Variants in FRS3 observed in about 807,000 individuals in gnomAD.
The protein encoded by FRS3 is fibroblast growth factor receptor substrate 3.
In FRS3, 17 loss-of-function variants were observed where a neutral mutation model predicts 41.9. That is an observed-to-expected ratio of 0.41 (90% CI 0.28 to 0.61). FRS3 has a LOEUF of 0.61. Ranked by LOEUF, FRS3 falls within the 20% of genes least tolerant of loss-of-function variation. The pLI is 0.36. For synonymous variants in FRS3, 287 were observed against 274.5 expected (o/e 1.05, Z -0.45); for missense variants, 619 against 672.1 (o/e 0.92, Z 0.87).
Position 41,770,423 on chromosome 6 carries a change from C to A in FRS3, c.*196G>T, listed in dbSNP as rs534398478. The A allele has an allele frequency of 5.1e-5, 31 of 610,770 alleles. No homozygotes were observed. In the South Asian group the frequency reaches 6.0e-4, roughly 12 times the overall value. 37.8% of individuals were successfully genotyped at this position (610,770 alleles called of 1,614,324 possible). A position where few individuals can be genotyped will look rare whatever the true frequency, so the allele number is the denominator to read the frequency against. On this transcript the variant is annotated 3_prime_UTR_variant, in exon 7 of 7. Transcript: ENST00000373018. ...CCTCGCCTGGTCACCCTTCTCTCCC[C>A]AGCCTGGAGACAGACCAGGAGACTC...
chr6:41,773,567 AG>A (rs1286628041), intron 4 of FRS3, among the ~76,000 whole-genome samples: 1 of 151,888 alleles, frequency 6.6e-6, no homozygotes, highest in Non-Finnish European at 1.5e-5. Flanking sequence ...GGTCACAAGA[AG>A]AGAATCAAAA....
At chr6:41,775,343 G>T in intron 4 of FRS3, 76 bp downstream of exon 4, 1 of 1,200,974 alleles carries the variant, frequency 8.3e-7, no homozygotes, top group Non-Finnish European at 1.1e-6. Flanking sequence ...ACCTCTTGAG[G>T]GCTAACCTAT....
At chr6:41,779,483 C>A (rs1772483271) in intron 1 of FRS3, among the ~76,000 whole-genome samples, 1 of 151,804 alleles carries the variant, frequency 6.6e-6, no homozygotes, top group African/African-American at 2.4e-5. Context: ...GTGGGCATAG[C>A]AGGAGATTTG....
At chr6:41,775,385 C>T in intron 4 of FRS3, 34 bp downstream of exon 4, 2 of 1,562,994 alleles carry the variant, frequency 1.3e-6, no homozygotes, top group Non-Finnish European at 1.7e-6. Context: ...TGCATAAGCC[C>T]CTATCCCAGG....
chr6:41,772,766 G>GTGTGTGTGTGTGTA (rs1554140781), intron 5 of FRS3, 32 bp downstream of exon 5: 1 of 1,564,276 alleles, frequency 6.4e-7, no homozygotes, highest in Non-Finnish European at 8.7e-7. Context: ...GTGTGTGTGT[G>GTGTGTGTGTGTGTA]TGTGTGTGTG....
Position 41,771,525 on chromosome 6 carries a change from G to C in FRS3, c.573C>G (p.Thr191=), listed in dbSNP as rs772401685. The change falls in exon 7 of 7, where the codon ACC becomes ACG. Residue 191 remains threonine, a synonymous_variant. Transcript: ENST00000373018. ...ALIAPDEQSH[T]YVNTPASEDD... is the part of the protein sequence containing the mutation. ...CTTCACTGGCCGGTGTGTTGACATA[G>C]GTGTGGGACTGGGGAAAGAGTCCAA... 3.3e-6 allele frequency: 5 copies of C among 1,532,010 alleles called. No individual in the cohort carries two copies. The highest frequency in any genetic ancestry group is 2.0e-5 in the Admixed American group (1 of 50,360). 94.9% of individuals were successfully genotyped at this position (1,532,010 alleles called of 1,614,324 possible).
intron 4 of FRS3, among the ~76,000 whole-genome samples, chr6:41,774,610 C>T (rs1772373268): frequency 6.6e-6 from 1 of 152,150 alleles, no homozygotes; most frequent in Admixed American, 6.5e-5. Flanking sequence ...CAGGACTGGG[C>T]TGAGTGTCTG....
Position 41,771,411 on chromosome 6 carries a change from C to T in FRS3, c.687G>A (p.Arg229=), listed in dbSNP as rs1772290362. 1 of 1,613,606 alleles carries T rather than the reference C, an allele frequency of 6.2e-7. No homozygotes were observed. The highest frequency in any genetic ancestry group is 8.5e-7 in the Non-Finnish European group (1 of 1,179,802). ...CTGGCTGCAAGAACACCTGTGGGTCCCGTTGGTCAGGTCCCCGGGCCTGCG... is the reference window on the plus strand; with the variant it reads ...CTGGCTGCAAGAACACCTGTGGGTCTCGTTGGTCAGGTCCCCGGGCCTGCG... ...FLPQARGPDQ[R]DPQVFLQPGQ... The change falls in exon 7 of 7, where the codon CGG becomes CGA. Residue 229 remains arginine (R), a synonymous_variant. Coordinates refer to ENST00000373018, the MANE Select transcript of FRS3 (RefSeq NM_006653.5).
At chr6:41,774,523 A>G (rs1284372398) in intron 4 of FRS3, among the ~76,000 whole-genome samples, 1 of 152,218 alleles carries the variant, frequency 6.6e-6, no homozygotes, top group African/African-American at 2.4e-5. Context: ...ATGGCAAGGC[A>G]ATCACAAGGC....
At position 41,772,748 on chromosome 6, in the gene FRS3, G is replaced by GTGTGTGTGTC; in HGVS notation, c.415+49_415+50insGACACACACA. On this transcript the variant is annotated intron_variant, in intron 5 of 6. Transcript: ENST00000373018. ...CCTCAGATTTGTGCTTCCTGGGCGT[G>GTGTGTGTGTC]TGTGTGTGTGTGTGTGTGTGTGTGT... 3.2e-6 allele frequency: 3 copies of GTGTGTGTGTC among 940,306 alleles called. No homozygotes were observed. The South Asian group carries it at 5.3e-5, about 17-fold the overall frequency. The allele number at this position is 940,306 out of a possible 1,614,324, so 58.2% of individuals were successfully genotyped here. A position where few individuals can be genotyped will look rare whatever the true frequency, so the allele number is the denominator to read the frequency against.
chr6:41,771,125 G>A lies in FRS3; in HGVS notation c.973C>T (p.Leu325=). 6.3e-7 allele frequency: 1 copy of A among 1,575,002 alleles called. No homozygotes were observed. The highest frequency in any genetic ancestry group is 8.6e-7 in the Non-Finnish European group (1 of 1,158,296). Reference sequence around the variant, plus strand: ...TCCCACACAGGGGGCAGTGGGGGCAGGTTCTCATAGTGCAGCAGGGCGGCC... The same window carrying A: ...TCCCACACAGGGGGCAGTGGGGGCAAGTTCTCATAGTGCAGCAGGGCGGCC... ...RRAALLHYEN[L]PPLPPVWESQ... The change falls in exon 7 of 7, where the codon CTG becomes TTG. Residue 325 remains leucine, a synonymous_variant. Coordinates refer to ENST00000373018, the MANE Select transcript of FRS3 (RefSeq NM_006653.5).
In FRS3 at chr6:41,770,293, CA is replaced by C. The variant is rs1176274755; in HGVS notation, c.*325del. 38 of 305,110 alleles carry C rather than the reference CA, an allele frequency of 1.2e-4. No homozygotes were observed. Among genetic ancestry groups the C allele is most frequent in the Middle Eastern group, 9.2e-4 (1 of 1,088 alleles). The allele number at this position is 305,110 out of a possible 1,614,324, so 18.9% of individuals were successfully genotyped here. On this transcript the variant is annotated 3_prime_UTR_variant, in exon 7 of 7. Transcript: ENST00000373018. ...GTACAAAATGTTTCAAAATTCCAACCAAAAAAAACACACACGGACAGTCGGC... is the reference window on the plus strand; with the variant it reads ...GTACAAAATGTTTCAAAATTCCAACCAAAAAAACACACACGGACAGTCGGC...
In FRS3 at chr6:41,771,097, C is replaced by T. The variant is rs1235077427; in HGVS notation, c.1001G>A (p.Ser334Asn). ...CTCCCCTCCCAGCTGCTGGGCTTGG[C>T]TTTCCCACACAGGGGGCAGTGGGGG... Reference protein sequence around the residue: ...NLPPLPPVWESQAQQLGGEAG... With the variant: ...NLPPLPPVWENQAQQLGGEAG... The change falls in exon 7 of 7, where the codon AGC becomes AAC. Residue 334 changes from serine (S) to asparagine (N), a missense_variant. Physicochemically the swap from Ser to Asn is conservative, Grantham distance 46. Coordinates refer to ENST00000373018, the MANE Select transcript of FRS3 (RefSeq NM_006653.5). 6.3e-7 allele frequency: 1 copy of T among 1,591,584 alleles called. No homozygotes were observed. The highest frequency in any genetic ancestry group is 1.7e-5 in the Admixed American group (1 of 58,734).
At position 41,771,353 on chromosome 6, in the gene FRS3, C is replaced by T; in HGVS notation, c.745G>A (p.Ala249Thr). The change falls in exon 7 of 7, where the codon GCT becomes ACT. Residue 249 changes from alanine (A) to threonine (T), a missense_variant. Coordinates refer to ENST00000373018, the MANE Select transcript of FRS3 (RefSeq NM_006653.5). ...TGGCACTTCACCATGTGCCGCCGAG[C>T]AGGGGTCGGGCCCAACACAAACTTC... Reference protein sequence around the residue: ...QVKFVLGPTPARRHMVKCQGL... With the variant: ...QVKFVLGPTPTRRHMVKCQGL... The T allele has an allele frequency of 6.2e-7, 1 of 1,613,460 alleles. No homozygotes were observed. The highest frequency in any genetic ancestry group is 8.5e-7 in the Non-Finnish European group (1 of 1,179,742).
chr6:41,770,463 C>G lies in FRS3; in HGVS notation c.*156G>C. The G allele has an allele frequency of 1.5e-6, 1 of 679,408 alleles. No individual in the cohort carries two copies. The highest frequency in any genetic ancestry group is 2.7e-5 in the East Asian group (1 of 36,744). The allele number at this position is 679,408 out of a possible 1,614,324, so 42.1% of individuals were successfully genotyped here. A position where few individuals can be genotyped will look rare whatever the true frequency, so the allele number is the denominator to read the frequency against. On this transcript the variant is annotated 3_prime_UTR_variant, in exon 7 of 7. Coordinates refer to ENST00000373018, the MANE Select transcript of FRS3 (RefSeq NM_006653.5). ...CCAGGAGACTCGGTGGCTGATATCT[C>G]TGGGGACTCCAGCCAGCACAGGGAA...
chr6:41,773,252 G>A (rs535722409), intron 4 of FRS3, among the ~76,000 whole-genome samples: 299 of 152,162 alleles, frequency 2.0e-3, no homozygotes, highest in African/African-American at 6.2e-3. Flanking sequence ...ACAGGCGCCC[G>A]CCATTACACC....
At position 41,771,503 on chromosome 6, in the gene FRS3, C is replaced by T; in HGVS notation, c.595G>A (p.Glu199Lys). 1 of 1,557,536 alleles carries T rather than the reference C, an allele frequency of 6.4e-7. No homozygotes were observed. Among genetic ancestry groups the T allele is most frequent in the South Asian group, 1.2e-5 (1 of 84,412 alleles). The change falls in exon 7 of 7, where the codon GAA becomes AAA. Residue 199 changes from glutamate (E) to lysine (K), a missense_variant. Around this residue, in one of 3 missense-constraint regions of FRS3, gnomAD observed 487 missense variants for 478.3 expected, o/e 1.02. Transcript: ENST00000373018. ...TGGCGGCCCCTGCGGTGGTCATCTT[C>T]ACTGGCCGGTGTGTTGACATAGGTG... ...SHTYVNTPASEDDHRRGRHCL... is the reference protein window; with the variant it reads ...SHTYVNTPASKDDHRRGRHCL...
chr6:41,778,838 T>C (rs1231470408), intron 1 of FRS3, among the ~76,000 whole-genome samples: 2 of 152,210 alleles, frequency 1.3e-5, no homozygotes, highest in Non-Finnish European at 2.9e-5. Context: ...AATTTTAACA[T>C]AAATGTTAAC....
intron 5 of FRS3, 55 bp downstream of exon 5, chr6:41,772,743 G>GGC: frequency 3.0e-6 from 4 of 1,319,512 alleles, no homozygotes; most frequent in South Asian, 2.7e-5. Context: ...GTGCTTCCTG[G>GGC]GCGTGTGTGT....
Sources: gnomAD v4.1 joint callset for allele counts (sites outside exome capture counted in the v4.1 genomes callset) on GRCh38, gnomAD v4.1.1 for gene constraint, gnomAD v4.1.1 regional missense constraint, MANE v1.5 for transcripts, NCBI Gene and HGNC (gene_info 2026-07-23, HGNC 2026-07-21) for gene names.